ADAM2: variants seen among roughly 807,000 people sequenced by gnomAD.
ADAM2 encodes disintegrin and metalloproteinase domain-containing protein 2.
A neutral mutation model predicts 99.3 loss-of-function variants in ADAM2; 101 were observed. The ratio of observed to expected loss-of-function variants is 1.02; its 90% confidence interval spans 0.87 to 1.20. The LOEUF (loss-of-function observed/expected upper bound fraction) is 1.20. ADAM2 is among the 50% of genes most tolerant of loss of function. The pLI is 0.00. For synonymous variants in ADAM2, 323 were observed against 287.6 expected (o/e 1.12, Z -1.25); for missense variants, 948 against 878.7 (o/e 1.08, Z -1.00).
intron 7 of ADAM2, among the ~76,000 whole-genome samples, chr8:39,795,658 T>A (rs1243463659): frequency 6.6e-6 from 1 of 152,134 alleles, no homozygotes; most frequent in South Asian, 2.1e-4. Flanking sequence ...AAAAGCAAGC[T>A]GTACCCCAAC....
intron 7 of ADAM2, among the ~76,000 whole-genome samples, chr8:39,798,928 T>C (rs187807619): frequency 6.6e-6 from 1 of 152,286 alleles, no homozygotes; most frequent in Non-Finnish European, 1.5e-5. Flanking sequence ...TCTTCTCTCT[T>C]TTCTTCTTTA....
chr8:39,816,490 A>G (rs910503747), intron 6 of ADAM2, among the ~76,000 whole-genome samples: 1 of 152,182 alleles, frequency 6.6e-6, no homozygotes, highest in Non-Finnish European at 1.5e-5. Context: ...ACATATATCC[A>G]CATAAAACAT....
intron 10 of ADAM2, among the ~76,000 whole-genome samples, chr8:39,780,563 A>C (rs1365631547): frequency 6.6e-6 from 1 of 152,158 alleles, no homozygotes; most frequent in Non-Finnish European, 1.5e-5. Flanking sequence ...AGTCAATAGA[A>C]AGTCAAGTCC....
chr8:39,744,222 TA>T (rs1823352841), intron 20 of ADAM2, among the ~76,000 whole-genome samples, 158 bp from the exon 21 acceptor site: 1 of 152,126 alleles, frequency 6.6e-6, no homozygotes, highest in Non-Finnish European at 1.5e-5. Flanking sequence ...GAAGTAAAAT[TA>T]ACTAAAGAAA....
intron 12 of ADAM2, among the ~76,000 whole-genome samples, chr8:39,768,621 G>A (rs976034080): frequency 6.6e-6 from 1 of 152,162 alleles, no homozygotes; most frequent in Non-Finnish European, 1.5e-5. Flanking sequence ...GCTCCATAGT[G>A]AAAGCTTTAA....
chr8:39,779,289 C>T (rs1417793229), intron 10 of ADAM2, among the ~76,000 whole-genome samples: 2 of 152,098 alleles, frequency 1.3e-5, no homozygotes, highest in Non-Finnish European at 2.9e-5. Context: ...AGGTTGCCTT[C>T]TTGCTGGCCT....
chr8:39,776,063 T>C (rs1802976775), intron 11 of ADAM2, among the ~76,000 whole-genome samples: 1 of 152,118 alleles, frequency 6.6e-6, no homozygotes. Context: ...CTTAGTAACA[T>C]TGTATTTAAA....
chr8:39,802,864 C>G (rs1804276489), intron 7 of ADAM2, among the ~76,000 whole-genome samples: 3 of 152,222 alleles, frequency 2.0e-5, no homozygotes, highest in Admixed American at 2.0e-4. Context: ...TTTTGTTTTT[C>G]TTTTGTTATT....
At chr8:39,772,468 G>T (rs1802821298) in intron 11 of ADAM2, among the ~76,000 whole-genome samples, 1 of 152,000 alleles carries the variant, frequency 6.6e-6, no homozygotes, top group Non-Finnish European at 1.5e-5. Context: ...ACTTCCATTA[G>T]GGATATGAGA....
intron 15 of ADAM2, among the ~76,000 whole-genome samples, chr8:39,757,177 T>C (rs914826933): frequency 6.6e-6 from 1 of 151,826 alleles, no homozygotes; most frequent in African/African-American, 2.4e-5. Flanking sequence ...CTCCACAATT[T>C]CTCATGATGC....
chr8:39,833,367 C>T (rs1209849887), intron 3 of ADAM2, among the ~76,000 whole-genome samples: 4 of 152,030 alleles, frequency 2.6e-5, no homozygotes, highest in Admixed American at 1.3e-4. Flanking sequence ...TTGCAGGCTT[C>T]TGCTTTTGAT....
chr8:39,748,280 TACCACTAAAACCA>T (rs1247322072), intron 18 of ADAM2, among the ~76,000 whole-genome samples: 1 of 152,160 alleles, frequency 6.6e-6, no homozygotes, highest in Non-Finnish European at 1.5e-5. Context: ...TGATCAATCA[TACCACTAAAACCA>T]ACCTGGAAAG....
In ADAM2 at chr8:39,769,555, A is replaced by T. The variant is rs768758728; in HGVS notation, c.1049T>A (p.Ile350Asn). 1 of 1,613,390 alleles carries T rather than the reference A, an allele frequency of 6.2e-7. No individual in the cohort carries two copies. Among genetic ancestry groups the T allele is most frequent in the Non-Finnish European group, 8.5e-7 (1 of 1,179,410 alleles). Residue 350 changes from isoleucine to asparagine, a missense_variant, in exon 12 of 21, where the codon ATC becomes AAC. Ile to Asn is a moderately radical substitution (Grantham distance 149, BLOSUM62 -3). Coordinates refer to ENST00000265708, the MANE Select transcript of ADAM2 (RefSeq NM_001464.5). ...GTCTTCGAAGCTGCAGTTACTAAAG[A>T]TCTTCACACCACTGAAATGACTAAA... ...PEAIHFSGVKIFSNCSFEDFA... is the reference protein window; with the variant it reads ...PEAIHFSGVKNFSNCSFEDFA...
rs116325414 is a variant in ADAM2, at chr8:39,819,376, A to G, written c.513+1626T>C. Reference sequence around the variant, plus strand: ...CCAATAAAAAATATTAAAGTATCATATATCAAAATGAGATTAAAGAATAAA... The same window carrying G: ...CCAATAAAAAATATTAAAGTATCATGTATCAAAATGAGATTAAAGAATAAA... On this transcript the variant is annotated intron_variant, in intron 6 of 20. Coordinates refer to ENST00000265708, the MANE Select transcript of ADAM2 (RefSeq NM_001464.5). 5.7e-3 allele frequency among the ~76,000 whole-genome samples: 862 copies of G among 152,254 alleles called. 8 individuals are homozygous for G. Among genetic ancestry groups the G allele is most frequent in the African/African-American group, 0.019 (776 of 41,580 alleles).
rs2129586768 is a variant in ADAM2, at chr8:39,806,804, T to A, written c.570+2606A>T. Among the ~76,000 whole-genome samples the A allele has an allele frequency of 1.3e-5, 2 of 152,288 alleles. 1 individual carries two copies. Among genetic ancestry groups the A allele is most frequent in the South Asian group, 4.1e-4 (2 of 4,830 alleles). ...CTAAGGAGAACCCTAAGGAAATGGC[T>A]GCACAATCATTTGACAAAAACTTTA... On this transcript the variant is annotated intron_variant, in intron 7 of 20. Transcript: ENST00000265708.
chr8:39,779,090 T>G (rs1025546067), intron 10 of ADAM2, among the ~76,000 whole-genome samples: 1 of 152,142 alleles, frequency 6.6e-6, no homozygotes, highest in African/African-American at 2.4e-5. Context: ...TTCCTTTTAT[T>G]GTATTTCCTT....
chr8:39,833,931 G>C lies in ADAM2; in HGVS notation c.188+13C>G, dbSNP rs1805715671. 7.3e-7 allele frequency: 1 copy of C among 1,362,156 alleles called. No homozygotes were observed. Among genetic ancestry groups the C allele is most frequent in the Non-Finnish European group, 1.0e-6 (1 of 958,004 alleles). The allele number at this position is 1,362,156 out of a possible 1,614,324, so 84.4% of individuals were successfully genotyped here. ...GAACAAAGAGAATTGATAAAATAAT[G>C]ATGATTACCTACTTTTGCATTAAAT... On this transcript the variant is annotated intron_variant, in intron 3 of 20. Coordinates refer to ENST00000265708, the MANE Select transcript of ADAM2 (RefSeq NM_001464.5).
At chr8:39,828,965 A>G (rs756951120) in intron 3 of ADAM2, among the ~76,000 whole-genome samples, 1 of 151,902 alleles carries the variant, frequency 6.6e-6, no homozygotes, top group Non-Finnish European at 1.5e-5. Context: ...AGAGCTTGGA[A>G]ACAGATAAAA....
At chr8:39,751,765 G>A (rs554272181) in intron 16 of ADAM2, among the ~76,000 whole-genome samples, 5 of 152,038 alleles carry the variant, frequency 3.3e-5, no homozygotes, top group Admixed American at 6.5e-5. Context: ...ATCACTAGGC[G>A]GAATAGGTTC....
Sources: allele counts gnomAD v4.1 joint callset (sites outside exome capture counted in the v4.1 genomes callset), GRCh38; gene constraint gnomAD v4.1.1; transcripts MANE v1.5; gene names NCBI Gene and HGNC (gene_info 2026-07-23, HGNC 2026-07-21).